The following CAPZB variants were observed in gnomAD, a reference collection of about 807,000 sequenced individuals.
CAPZB encodes capping actin protein of muscle Z-line subunit beta, also known as F-actin-capping protein subunit beta.
A neutral mutation model predicts 38.1 loss-of-function variants in CAPZB; 2 were observed. The ratio of observed to expected loss-of-function variants is 0.05; its 90% CI spans 0.02 to 0.17. CAPZB has a LOEUF of 0.17. CAPZB is among the 10% of genes least tolerant of loss of function. The pLI is 1.00. For synonymous variants in CAPZB, 107 were observed against 127.4 expected, an observed-to-expected ratio of 0.84 and a Z score of 1.08; for missense variants, 161 against 334.2, an observed-to-expected ratio of 0.48 and a Z score of 4.04.
intron 1 of CAPZB, among the ~76,000 whole-genome samples, chr1:19,464,203 A>G (rs2094561633): frequency 6.6e-6 from 1 of 151,674 alleles, no homozygotes; most frequent in African/African-American, 2.4e-5. Flanking sequence ...GAAGAAAGAA[A>G]AGAGAAAAGA....
chr1:19,385,216 T>TA (rs1229640049), intron 3 of CAPZB, among the ~76,000 whole-genome samples: 3 of 152,298 alleles, frequency 2.0e-5, no homozygotes, highest in East Asian at 1.9e-4. Flanking sequence ...CCTCTCCCGT[T>TA]AGACTGGAAG....
chr1:19,350,022 G>A (rs957734530), intron 6 of CAPZB, among the ~76,000 whole-genome samples: 5 of 152,234 alleles, frequency 3.3e-5, no homozygotes, highest in Non-Finnish European at 5.9e-5. Context: ...TGTTCCACGA[G>A]GTGGTTCCAA....
chr1:19,436,251 A>G (rs2094457857), intron 1 of CAPZB, among the ~76,000 whole-genome samples: 1 of 152,194 alleles, frequency 6.6e-6, no homozygotes, highest in African/African-American at 2.4e-5. Context: ...TGCCTGGGAC[A>G]TGAATCATCT....
intron 6 of CAPZB, among the ~76,000 whole-genome samples, chr1:19,347,756 T>C (rs1248230684): frequency 3.3e-5 from 5 of 152,250 alleles, no homozygotes; most frequent in South Asian, 2.1e-4. Context: ...GAGCAGCAAC[T>C]TGGAATGGAG....
chr1:19,478,811 G>C (rs973922006), intron 1 of CAPZB, among the ~76,000 whole-genome samples: 42 of 152,362 alleles, frequency 2.8e-4, no homozygotes, highest in African/African-American at 9.9e-4. Context: ...GCATAGCGCA[G>C]TGCCAGGACT....
intron 2 of CAPZB, among the ~76,000 whole-genome samples, chr1:19,396,563 C>A (rs1394831381): frequency 6.6e-6 from 1 of 152,182 alleles, no homozygotes; most frequent in Non-Finnish European, 1.5e-5. Context: ...GCCTTCCCAG[C>A]ATGAAGGCAA....
At chr1:19,448,880 C>G in intron 1 of CAPZB, 1 of 1,612,864 alleles carries the variant, frequency 6.2e-7, no homozygotes, top group Non-Finnish European at 8.5e-7. Flanking sequence ...AAGGCCTGGG[C>G]GAGAGAACCC....
At chr1:19,341,843 G>C (rs886331527) in intron 8 of CAPZB, among the ~76,000 whole-genome samples, 2 of 152,232 alleles carry the variant, frequency 1.3e-5, no homozygotes, top group Non-Finnish European at 1.5e-5. Flanking sequence ...GCTCCACCTG[G>C]TTTTCTAAGT....
intron 1 of CAPZB, chr1:19,449,474 C>T: frequency 3.0e-6 from 1 of 328,134 alleles, no homozygotes; most frequent in Non-Finnish European, 4.4e-6. Flanking sequence ...AACAGCTAAA[C>T]CCAGGTTCGT....
In CAPZB at chr1:19,465,896, A is replaced by G. The variant is rs545160175; in HGVS notation, c.3+19540T>C. Among the ~76,000 whole-genome samples, 183 of 152,270 alleles carry G rather than the reference A, an allele frequency of 1.2e-3. 1 individual carries two copies. Among genetic ancestry groups the G allele is most frequent in the African/African-American group, 4.3e-3 (180 of 41,538 alleles). On this transcript the variant is annotated intron_variant, in intron 1 of 8. Coordinates refer to ENST00000264202, the MANE Select transcript of CAPZB (RefSeq NM_004930.5). ...AGACCAACAACATGTACGGAGCCCTATATGTGCTAGGTATGACAGGCCTTC... is the reference window on the plus strand; with the variant it reads ...AGACCAACAACATGTACGGAGCCCTGTATGTGCTAGGTATGACAGGCCTTC...
chr1:19,372,674 C>CTAGGCTTGCTTGGCTAGGCT (rs1183387479), intron 4 of CAPZB, among the ~76,000 whole-genome samples: 3 of 152,204 alleles, frequency 2.0e-5, no homozygotes, highest in Non-Finnish European at 4.4e-5. Context: ...ATGAGCTAGC[C>CTAGGCTTGCTTGGCTAGGCT]TAGGCTTGGA....
chr1:19,399,138 A>T (rs1175091361), intron 2 of CAPZB, among the ~76,000 whole-genome samples: 1 of 152,124 alleles, frequency 6.6e-6, no homozygotes, highest in Non-Finnish European at 1.5e-5. Flanking sequence ...GATTACAGGC[A>T]TGAGCCACCA....
At chr1:19,361,166 A>G (rs944839710) in intron 4 of CAPZB, among the ~76,000 whole-genome samples, 1 of 152,170 alleles carries the variant, frequency 6.6e-6, no homozygotes, top group Non-Finnish European at 1.5e-5. Flanking sequence ...GTAGTATCCT[A>G]ATTTACCATC....
intron 1 of CAPZB, among the ~76,000 whole-genome samples, chr1:19,427,899 G>GT (rs367662838): frequency 1.3e-5 from 2 of 152,130 alleles, no homozygotes; most frequent in Non-Finnish European, 2.9e-5. Flanking sequence ...TTAAATTGAG[G>GT]TTTTTTTGTT....
chr1:19,447,611 A>T (rs2094501032), intron 1 of CAPZB, among the ~76,000 whole-genome samples: 1 of 152,116 alleles, frequency 6.6e-6, no homozygotes, highest in Non-Finnish European at 1.5e-5. Flanking sequence ...TGCCTTCCTA[A>T]GAGTGTTGTG....
Position 19,356,716 on chromosome 1 carries a change from C to T in CAPZB, c.507G>A (p.Leu169=). Residue 169 remains leucine, a synonymous_variant, in exon 6 of 9, where the codon TTG becomes TTA. Coordinates refer to ENST00000264202, the MANE Select transcript of CAPZB (RefSeq NM_004930.5). This position sits in a 1 kb window ranked among gnomAD's most constrained non-coding sequence, Gnocchi z 4.3. Reference sequence around the variant, plus strand: ...GCAGCCACAGCATCACCGTGGAGGTCAACTTGTAATGGGCGGTGCGACCGC... The same window carrying T: ...GCAGCCACAGCATCACCGTGGAGGTTAACTTGTAATGGGCGGTGCGACCGC... ...KSSGRTAHYK[L]TSTVMLWLQT... is the part of the protein sequence containing the mutation. 6.2e-7 allele frequency: 1 copy of T among 1,614,058 alleles called. No individual in the cohort carries two copies. Among genetic ancestry groups the T allele is most frequent in the Non-Finnish European group, 8.5e-7 (1 of 1,179,960 alleles).
At chr1:19,393,536 G>T (rs1454494830) in intron 2 of CAPZB, among the ~76,000 whole-genome samples, 1 of 152,236 alleles carries the variant, frequency 6.6e-6, no homozygotes, top group Non-Finnish European at 1.5e-5. Context: ...ACACGAGGTG[G>T]AGAGGAATGA....
At chr1:19,473,016 C>CGG (rs2094595220) in intron 1 of CAPZB, among the ~76,000 whole-genome samples, 1 of 152,106 alleles carries the variant, frequency 6.6e-6, no homozygotes. Flanking sequence ...AGTGCCCGGC[C>CGG]CATTCTTCCT....
At chr1:19,416,711 T>C (rs192705087) in intron 2 of CAPZB, among the ~76,000 whole-genome samples, 4 of 151,790 alleles carry the variant, frequency 2.6e-5, no homozygotes, top group African/African-American at 7.3e-5. Flanking sequence ...TTTTAAAAAA[T>C]TGGCCAGATG....
Sources: allele counts gnomAD v4.1 joint callset (sites outside exome capture counted in the v4.1 genomes callset), GRCh38; gene constraint gnomAD v4.1.1; non-coding constraint Gnocchi (gnomAD v3.1); transcripts MANE v1.5; gene names NCBI Gene and HGNC (gene_info 2026-07-23, HGNC 2026-07-21).